CUX1: variants seen among roughly 807,000 people sequenced by gnomAD.
CUX1 encodes the protein protein CASP.
In CUX1, 31 loss-of-function variants were observed where a neutral mutation model predicts 158.8. That is an observed-to-expected ratio of 0.20 (90% confidence interval 0.15 to 0.26). The LOEUF (loss-of-function observed/expected upper bound fraction) is 0.26. Ranked by LOEUF, CUX1 falls within the 10% of genes least tolerant of loss-of-function variation. The pLI, the probability that CUX1 is intolerant of heterozygous loss-of-function variation, is 1.00. For synonymous variants in CUX1, 879 were observed against 862.1 expected (o/e 1.02, Z -0.34); for missense variants, 1,589 against 2,014.6 (o/e 0.79, Z 4.04).
chr7:101,906,600 C>T (rs960575022), intron 1 of CUX1, among the ~76,000 whole-genome samples: 1 of 151,872 alleles, frequency 6.6e-6, no homozygotes, highest in Non-Finnish European at 1.5e-5. Context: ...TTTGGCAGGG[C>T]GCGCCCCGTG....
intron 9 of CUX1, among the ~76,000 whole-genome samples, chr7:102,159,773 A>G (rs1554506500): frequency 6.6e-6 from 1 of 152,182 alleles, no homozygotes; most frequent in African/African-American, 2.4e-5. Flanking sequence ...AGGCAGGAGA[A>G]TCACTTGAAC....
At chr7:102,097,308 T>G (rs1829298288) in intron 4 of CUX1, 56 bp from the exon 5 acceptor site, 1 of 1,566,660 alleles carries the variant, frequency 6.4e-7, no homozygotes, top group African/African-American at 1.4e-5. Context: ...TGTACCGCCG[T>G]GGAGGGGGCC....
rs549660210 is a variant in CUX1, at chr7:101,865,215, G to A, written c.30+47546G>A. On this transcript the variant is annotated intron_variant, in intron 1 of 23. Coordinates refer to ENST00000292535, the MANE Select transcript of CUX1 (RefSeq NM_181552.4). ...GAGGTCCCCTTGTGGAACTTCTGTG[G>A]GAGGCCAGGTGCACAAAGTCCGGTT... Among the ~76,000 whole-genome samples, 108 of 152,316 alleles carry A rather than the reference G, an allele frequency of 7.1e-4. 2 individuals carry two copies. In the South Asian group the frequency reaches 0.014, roughly 19 times the overall value.
chr7:102,235,413 C>T (rs1234318388), intron 22 of CUX1, among the ~76,000 whole-genome samples: 1 of 152,072 alleles, frequency 6.6e-6, no homozygotes, highest in Non-Finnish European at 1.5e-5. Context: ...GAGTGGGCAT[C>T]CCAGGGGCCG....
intron 1 of CUX1, among the ~76,000 whole-genome samples, chr7:101,818,536 G>T (rs896871007): frequency 1.6e-4 from 25 of 152,154 alleles, no homozygotes; most frequent in African/African-American, 9.7e-5. Context: ...GGGCTCCAGG[G>T]TTCCATCGAA....
Position 102,269,564 on chromosome 7 carries a change from C to T in CUX1, c.1256-3802C>T, listed in dbSNP as rs576253662. 2.4e-4 allele frequency among the ~76,000 whole-genome samples: 35 copies of T among 146,408 alleles called. No individual in the cohort carries two copies. In the Middle Eastern group the frequency reaches 0.017, roughly 71 times the overall value. On this transcript the variant is annotated intron_variant, in intron 14 of 22. Transcript: ENST00000292538. ...GGGATTACAGGGGTCCGCCACCATG[C>T]CCGGCTAATTTTTTTTTTTTTTTTT...
At chr7:101,905,703 C>T (rs1275755956) in intron 1 of CUX1, among the ~76,000 whole-genome samples, 3 of 152,208 alleles carry the variant, frequency 2.0e-5, no homozygotes, top group African/African-American at 4.8e-5. Flanking sequence ...TCTGTTCATT[C>T]GGCCCTAATC....
intron 8 of CUX1, among the ~76,000 whole-genome samples, chr7:102,123,851 T>TG (rs1563275479): frequency 1.3e-5 from 2 of 151,786 alleles, no homozygotes; most frequent in Non-Finnish European, 2.9e-5. Context: ...TTAGTAGAGA[T>TG]GGGGGTTTCA....
chr7:102,258,599 GGCTT>G (rs1308399934), downstream of CUX1, among the ~76,000 whole-genome samples: 4 of 152,190 alleles, frequency 2.6e-5, no homozygotes. Context: ...CTGTCATATA[GGCTT>G]GCTGTGGGGA....
At chr7:101,920,960 G>C (rs560940872) in intron 2 of CUX1, among the ~76,000 whole-genome samples, 13 of 152,006 alleles carry the variant, frequency 8.6e-5, no homozygotes, top group Admixed American at 3.9e-4. Flanking sequence ...AGAGTAGCTG[G>C]GACTATAGGT....
At chr7:102,035,525 G>T (rs1205842765) in intron 3 of CUX1, among the ~76,000 whole-genome samples, 1 of 151,654 alleles carries the variant, frequency 6.6e-6, no homozygotes, top group African/African-American at 2.4e-5. Context: ...CATTTTTCAA[G>T]TGAGCCTCAA....
intron 1 of CUX1, among the ~76,000 whole-genome samples, chr7:101,910,870 T>G (rs1236536178): frequency 6.6e-6 from 1 of 152,244 alleles, no homozygotes; most frequent in Non-Finnish European, 1.5e-5. Context: ...AGTTTTTTAA[T>G]TTTGTTTTTA....
intron 15 of CUX1, 81 bp from the exon 16 acceptor site, chr7:102,198,721 G>A: frequency 7.8e-7 from 1 of 1,285,874 alleles, no homozygotes; most frequent in Non-Finnish European, 1.1e-6. Flanking sequence ...AGGCGGCTCA[G>A]ATTTCATGTC....
At chr7:101,844,202 A>G in intron 1 of CUX1, among the ~76,000 whole-genome samples, 1 of 15,100 alleles carries the variant, frequency 6.6e-5, no homozygotes, top group East Asian at 2.9e-3. Context: ...CCCCGCCCCC[A>G]ACCCCAGCAG....
At chr7:102,246,727 G>T (rs1449151903) in intron 23 of CUX1, among the ~76,000 whole-genome samples, 3 of 152,022 alleles carry the variant, frequency 2.0e-5, no homozygotes, top group Non-Finnish European at 2.9e-5. Context: ...CTGCCACCAC[G>T]CCTGGCTAAT....
At chr7:102,200,255 T>TG in intron 17 of CUX1, 83 bp downstream of exon 17, 1 of 1,071,554 alleles carries the variant, frequency 9.3e-7, no homozygotes. Context: ...AGTAATTAAC[T>TG]ATTTTTTTTT....
intron 22 of CUX1, 87 bp downstream of exon 22, chr7:102,234,327 G>A: frequency 7.9e-7 from 1 of 1,272,196 alleles, no homozygotes. Flanking sequence ...CAGCTGATGA[G>A]GGACATTGAC....
At chr7:101,867,308 T>C (rs1410171791) in intron 1 of CUX1, among the ~76,000 whole-genome samples, 1 of 152,192 alleles carries the variant, frequency 6.6e-6, no homozygotes, top group Non-Finnish European at 1.5e-5. Context: ...GGAGTAAGTG[T>C]TGATCAGCGG....
intron 1 of CUX1, among the ~76,000 whole-genome samples, chr7:101,904,155 C>T (rs1802487469): frequency 6.7e-6 from 1 of 148,502 alleles, no homozygotes; most frequent in African/African-American, 2.5e-5. Context: ...CACACATTAG[C>T]TGGACATGGT....
Sources: gnomAD v4.1 joint callset for allele counts (sites outside exome capture counted in the v4.1 genomes callset) on GRCh38, gnomAD v4.1.1 for gene constraint, MANE v1.5 for transcripts, NCBI Gene and HGNC (gene_info 2026-07-23, HGNC 2026-07-21) for gene names.